Variants in EYS observed in about 807,000 individuals in gnomAD.
EYS encodes the protein EGF-like photoreceptor maintenance factor.
A neutral mutation model predicts 282.1 loss-of-function variants in EYS; 250 were observed. The observed-to-expected ratio is 0.89, with a 90% CI of 0.80 to 0.98. The LOEUF (loss-of-function observed/expected upper bound fraction) is 0.98, where lower values mean the gene tolerates loss of function less well. Among genes scored for constraint, EYS ranks in the 50% least tolerant of loss-of-function variants. EYS has a pLI of 0.00. For synonymous variants in EYS, 1,355 were observed against 1,282.9 expected (o/e 1.06, Z -1.20); for missense variants, 4,016 against 3,709.0 (o/e 1.08, Z -2.15).
intron 31 of EYS, among the ~76,000 whole-genome samples, chr6:64,173,219 G>A (rs1439571881): frequency 6.6e-6 from 1 of 152,156 alleles, no homozygotes; most frequent in Non-Finnish European, 1.5e-5. Flanking sequence ...TAAAGTTCTT[G>A]TCATAATGCC....
intron 22 of EYS, among the ~76,000 whole-genome samples, chr6:64,772,547 G>A (rs7774229): frequency 0.17 from 25,500 of 151,492 alleles, 3,622 homozygotes; most frequent in African/African-American, 0.38. Context: ...AAAATCTACA[G>A]TAAACTACTG....
intron 1 of EYS, among the ~76,000 whole-genome samples, chr6:65,642,602 T>C (rs1582555097): frequency 1.3e-5 from 2 of 152,146 alleles, no homozygotes; most frequent in East Asian, 3.9e-4. Context: ...GACACTTACC[T>C]GTTAGACTCT....
chr6:65,335,133 C>A lies in EYS; in HGVS notation c.1613G>T (p.Gly538Val), dbSNP rs530200433. The change falls in exon 11 of 43, where the codon GGA becomes GTA. Residue 538 changes from glycine to valine, a missense_variant. Coordinates refer to ENST00000503581, the MANE Select transcript of EYS (RefSeq NM_001142800.2). ...GTCTTCTTCACTCAAACAACTGCAT[C>A]CATTTGCACAAATCTATAGCAACGA... The part of the protein sequence containing the change: ...HEGTKEICAN[G>V]CSCLSEEDSQ... The A allele has an allele frequency of 1.2e-6, 2 of 1,609,918 alleles. No individual in the cohort carries two copies. The highest frequency in any genetic ancestry group is 2.2e-5 in the East Asian group (1 of 44,742).
intron 22 of EYS, among the ~76,000 whole-genome samples, chr6:64,653,559 T>G (rs1768639513): frequency 1.3e-5 from 2 of 152,072 alleles, no homozygotes; most frequent in African/African-American, 4.8e-5. Flanking sequence ...CTCATCTTAA[T>G]TTTTAATTGT....
chr6:65,494,390 G>C (rs1766155034), intron 4 of EYS, among the ~76,000 whole-genome samples: 2 of 151,954 alleles, frequency 1.3e-5, no homozygotes, highest in East Asian at 3.9e-4. Context: ...CCATTCTCCT[G>C]CCTCAGCCTC....
At chr6:64,925,101 T>C (rs75357400) in intron 15 of EYS, among the ~76,000 whole-genome samples, 13 of 152,146 alleles carry the variant, frequency 8.5e-5, no homozygotes, top group African/African-American at 3.1e-4. Context: ...GGATTTATAG[T>C]TCTACATGGC....
intron 5 of EYS, among the ~76,000 whole-genome samples, chr6:65,465,468 C>T (rs1274475743): frequency 6.6e-6 from 1 of 151,836 alleles, no homozygotes; most frequent in Non-Finnish European, 1.5e-5. Context: ...CAGAGTGAGG[C>T]TCTGTCACAA....
At chr6:65,232,235 G>A (rs981714079) in intron 12 of EYS, among the ~76,000 whole-genome samples, 34 of 151,956 alleles carry the variant, frequency 2.2e-4, no homozygotes, top group African/African-American at 8.0e-4. Context: ...AACTGTGGGT[G>A]CAGATATAAT....
intron 5 of EYS, among the ~76,000 whole-genome samples, chr6:65,447,238 C>A (rs1345729413): frequency 6.7e-6 from 1 of 150,024 alleles, no homozygotes; most frequent in East Asian, 1.9e-4. Flanking sequence ...GGGTAGGTAC[C>A]AATATTGGCT....
chr6:65,580,657 AT>A (rs1256064703), intron 2 of EYS, among the ~76,000 whole-genome samples: 1 of 152,138 alleles, frequency 6.6e-6, no homozygotes, highest in Non-Finnish European at 1.5e-5. Context: ...ATAGATCTGT[AT>A]AAAAATTAAA....
At chr6:64,340,639 C>T (rs145924883) in intron 29 of EYS, among the ~76,000 whole-genome samples, 35 of 151,718 alleles carry the variant, frequency 2.3e-4, no homozygotes, top group African/African-American at 7.2e-4. Flanking sequence ...CCGTAAATAT[C>T]CTTCTGGACA....
intron 2 of EYS, among the ~76,000 whole-genome samples, chr6:65,540,725 C>T (rs1768135272): frequency 6.6e-6 from 1 of 152,034 alleles, no homozygotes; most frequent in Non-Finnish European, 1.5e-5. Flanking sequence ...TCGAGACCAG[C>T]CTGACTAACA....
At chr6:63,732,718 C>A (rs1224090859) in intron 41 of EYS, among the ~76,000 whole-genome samples, 1 of 152,176 alleles carries the variant, frequency 6.6e-6, no homozygotes, top group Non-Finnish European at 1.5e-5. Flanking sequence ...CCATTGGCAA[C>A]CCTCCCTATT....
chr6:65,310,854 GCT>G (rs1769137899), intron 11 of EYS, among the ~76,000 whole-genome samples: 1 of 151,912 alleles, frequency 6.6e-6, no homozygotes, highest in Non-Finnish European at 1.5e-5. Flanking sequence ...TGTCTCTCTT[GCT>G]CTGTTTTATA....
At chr6:64,815,327 G>A (rs1583186814) in intron 21 of EYS, 4 of 315,572 alleles carry the variant, frequency 1.3e-5, no homozygotes, top group East Asian at 2.2e-4. Context: ...ACAGGGAGTG[G>A]CATGGAAACA....
chr6:64,306,012 A>G (rs1013127134), intron 30 of EYS, among the ~76,000 whole-genome samples: 2 of 152,178 alleles, frequency 1.3e-5, no homozygotes, highest in African/African-American at 4.8e-5. Flanking sequence ...ATATATAGAG[A>G]ACTCCTAAGA....
At chr6:65,553,478 C>T (rs796101973) in intron 2 of EYS, among the ~76,000 whole-genome samples, 26 of 152,184 alleles carry the variant, frequency 1.7e-4, no homozygotes, top group African/African-American at 5.5e-4. Flanking sequence ...TTGTCTAAAA[C>T]GAGCACAGAG....
rs78436377 is a variant in EYS at position 65,270,360 on chromosome 6, A to G, written c.2023+25503T>C. Among the ~76,000 whole-genome samples the G allele has an allele frequency of 1.1e-3, 166 of 152,226 alleles. 1 individual carries two copies. The highest frequency in any genetic ancestry group is 3.9e-3 in the African/African-American group (160 of 41,554). On this transcript the variant is annotated intron_variant, in intron 12 of 42. Coordinates refer to ENST00000503581, the MANE Select transcript of EYS (RefSeq NM_001142800.2). Reference sequence around the variant, plus strand: ...GTGTCCTGCCTTCCAGAATTATTGGATCAGGAGTTACATCTTTATTGCTTT... The same window carrying G: ...GTGTCCTGCCTTCCAGAATTATTGGGTCAGGAGTTACATCTTTATTGCTTT...
chr6:65,424,347 G>A (rs999104163), intron 5 of EYS, among the ~76,000 whole-genome samples: 1 of 150,950 alleles, frequency 6.6e-6, no homozygotes, highest in African/African-American at 2.4e-5. Context: ...ATTTTCTTTA[G>A]TCTTACTCTC....
Sources: allele counts gnomAD v4.1 joint callset (sites outside exome capture counted in the v4.1 genomes callset), GRCh38; gene constraint gnomAD v4.1.1; transcripts MANE v1.5; gene names NCBI Gene and HGNC (gene_info 2026-07-23, HGNC 2026-07-21).